Variants in PHLDB2 observed in about 807,000 individuals in gnomAD.
The protein encoded by PHLDB2 is pleckstrin homology-like domain family B member 2.
Under a neutral mutation model 123.6 loss-of-function variants are expected in PHLDB2, and 71 were observed. The ratio of observed to expected loss-of-function variants is 0.57; its 90% CI spans 0.47 to 0.70. PHLDB2 has a LOEUF of 0.70. Ranked by LOEUF, PHLDB2 falls within the 30% of genes least tolerant of loss-of-function variation. PHLDB2 has a pLI of 0.00. For missense variants in PHLDB2, 1,446 were observed against 1,519.5 expected (o/e 0.95, Z 0.80); for synonymous variants, 547 against 541.6 (o/e 1.01, Z -0.14).
At chr3:111,742,202 C>T (rs1477434778) in intron 1 of PHLDB2, among the ~76,000 whole-genome samples, 1 of 152,174 alleles carries the variant, frequency 6.6e-6, no homozygotes, top group Non-Finnish European at 1.5e-5. Flanking sequence ...AACTGGGATA[C>T]TACTATTCTT....
In PHLDB2 at chr3:111,966,695, G is replaced by A. The variant is rs370795450; in HGVS notation, c.3160G>A (p.Glu1054Lys). 229 of 1,612,034 alleles carry A rather than the reference G, an allele frequency of 1.4e-4. No individual in the cohort carries two copies. Among genetic ancestry groups the A allele is most frequent in the Non-Finnish European group, 1.8e-4 (213 of 1,179,058 alleles). The change falls in exon 14 of 18, where the codon GAA (glutamate) becomes AAA (lysine). Residue 1054 changes from glutamate (E) to lysine (K), a missense_variant. Glu to Lys is a moderately conservative substitution (Grantham distance 56). Around this residue, in one of 3 missense-constraint regions of PHLDB2, gnomAD observed 594 missense variants for 646.0 expected, o/e 0.92. Transcript: ENST00000431670. ...QAHAEKTRLL[E>K]SREREMEAKK... is the part of the protein sequence containing the mutation. ...TCATGCAGAAAAGACGCGGCTGCTC[G>A]AATCCAGGGTAAGCTTCATATTTTC...
At chr3:111,955,058 G>A (rs1002848689) in intron 12 of PHLDB2, among the ~76,000 whole-genome samples, 11 of 149,220 alleles carry the variant, frequency 7.4e-5, no homozygotes, top group South Asian at 2.1e-4. Flanking sequence ...ACACACACAC[G>A]CACATATATG....
chr3:111,973,942 G>T, intron 17 of PHLDB2, 125 bp downstream of exon 17: 1 of 553,376 alleles, frequency 1.8e-6, no homozygotes, highest in African/African-American at 1.9e-5. Context: ...TCAGAATGGT[G>T]CTGGAAAAGT....
At position 111,976,095 on chromosome 3, in the gene PHLDB2, CT is replaced by C. The variant is rs2072470790; in HGVS notation, c.*1533del. ...GTGATGTAAGACTAAAATATAATTG[CT>C]AAGATTTTGTTGGTTAATGTAAAGA... is the stretch of plus-strand genomic sequence containing the variant. On this transcript the variant is annotated 3_prime_UTR_variant, in exon 18 of 18. Coordinates refer to ENST00000431670, the MANE Select transcript of PHLDB2 (RefSeq NM_001134438.2). 6.6e-6 allele frequency: 1 copy of C among 152,590 alleles called. No homozygotes were observed. The allele number at this position is 152,590 out of a possible 1,614,324, so 9.5% of individuals were successfully genotyped here.
chr3:111,738,745 C>A (rs2059551311), intron 1 of PHLDB2, among the ~76,000 whole-genome samples: 1 of 151,940 alleles, frequency 6.6e-6, no homozygotes, highest in East Asian at 1.9e-4. Context: ...GTTGGTGATA[C>A]TAAACTAGTA....
At chr3:111,829,753 C>T (rs1008405957) in intron 1 of PHLDB2, among the ~76,000 whole-genome samples, 3 of 152,152 alleles carry the variant, frequency 2.0e-5, no homozygotes, top group Admixed American at 1.3e-4. Flanking sequence ...TGAGCCACCG[C>T]GCCCGACCAA....
At chr3:111,921,892 G>A (rs760338649) in intron 5 of PHLDB2, among the ~76,000 whole-genome samples, 3 of 152,168 alleles carry the variant, frequency 2.0e-5, no homozygotes, top group African/African-American at 4.8e-5. Flanking sequence ...GTGAGCCGCC[G>A]CGCCCGGCCC....
chr3:111,809,264 G>T lies in PHLDB2; in HGVS notation c.-48-36557G>T, dbSNP rs149064409. On this transcript the variant is annotated intron_variant, in intron 1 of 17. Coordinates refer to the PHLDB2 transcript ENST00000393923. ...TAATGTATTCACATAAACCAGATGTGCCAGAAGAAAGCTCTTGCTGTGGAA... is the reference window on the plus strand; with the variant it reads ...TAATGTATTCACATAAACCAGATGTTCCAGAAGAAAGCTCTTGCTGTGGAA... Among the ~76,000 whole-genome samples, 213 of 152,258 alleles carry T rather than the reference G, an allele frequency of 1.4e-3. 1 individual carries two copies. Among genetic ancestry groups the T allele is most frequent in the African/African-American group, 4.9e-3 (204 of 41,546 alleles).
At chr3:111,861,020 T>C (rs1304769699) in intron 1 of PHLDB2, among the ~76,000 whole-genome samples, 4 of 152,248 alleles carry the variant, frequency 2.6e-5, no homozygotes. Context: ...TCTGGGATTC[T>C]AACGTTTGAA....
At chr3:111,883,828 A>G (rs995238264) in intron 1 of PHLDB2, 11 of 451,804 alleles carry the variant, frequency 2.4e-5, no homozygotes, top group Non-Finnish European at 4.3e-5. Context: ...GTTTCGCTCA[A>G]ATGTCATTGC....
At chr3:111,805,859 A>T (rs1482449293) in intron 1 of PHLDB2, among the ~76,000 whole-genome samples, 2 of 146,366 alleles carry the variant, frequency 1.4e-5, no homozygotes, top group Non-Finnish European at 3.0e-5. Flanking sequence ...AAAAAAAAAA[A>T]AGAAGAAGAA....
rs564211993 is a variant in PHLDB2, at chr3:111,878,717, A to G, written c.-14-5347A>G. 2.6e-5 allele frequency among the ~76,000 whole-genome samples: 4 copies of G among 152,254 alleles called. No homozygotes were observed. In the East Asian group the frequency reaches 5.8e-4, roughly 22 times the overall value. On this transcript the variant is annotated intron_variant, in intron 1 of 17. Coordinates refer to ENST00000431670, the MANE Select transcript of PHLDB2 (RefSeq NM_001134438.2). ...TATAAATAGCTCTTATTATTTTGAGATACGTTCCATCAATGCCTAGTTTAT... is the reference window on the plus strand; with the variant it reads ...TATAAATAGCTCTTATTATTTTGAGGTACGTTCCATCAATGCCTAGTTTAT...
At chr3:111,870,404 G>T (rs1431735476) in intron 1 of PHLDB2, among the ~76,000 whole-genome samples, 1 of 151,838 alleles carries the variant, frequency 6.6e-6, no homozygotes, top group Non-Finnish European at 1.5e-5. Context: ...GAGTTGAGGG[G>T]ACTAAGGGTT....
At chr3:111,907,985 T>C (rs1227382693) in intron 2 of PHLDB2, among the ~76,000 whole-genome samples, 1 of 152,154 alleles carries the variant, frequency 6.6e-6, no homozygotes, top group Admixed American at 6.5e-5. Flanking sequence ...TTTGTAGAGA[T>C]GGGGTTTTGC....
In PHLDB2 at chr3:111,859,909, T is replaced by C. The variant is rs916409914; in HGVS notation, c.-15+333T>C. 3.0e-6 allele frequency: 3 copies of C among 985,352 alleles called. No individual in the cohort carries two copies. The African/African-American group carries it at 5.2e-5, about 17-fold the overall frequency. The allele number at this position is 985,352 out of a possible 1,614,324, so 61.0% of individuals were successfully genotyped here. Reference sequence around the variant, plus strand: ...TGGGCTCCGGGGACACAGAGTTTCTTTGCTTCTTTACAGGCTGTAGGGACA... The same window carrying C: ...TGGGCTCCGGGGACACAGAGTTTCTCTGCTTCTTTACAGGCTGTAGGGACA... On this transcript the variant is annotated intron_variant, in intron 1 of 17. Transcript: ENST00000431670.
Position 111,826,366 on chromosome 3 carries a change from A to G in PHLDB2, c.-48-19455A>G, listed in dbSNP as rs544747789. Among the ~76,000 whole-genome samples the G allele has an allele frequency of 4.9e-4, 74 of 152,280 alleles. 2 individuals carry two copies. The South Asian group carries it at 0.015, about 32-fold the overall frequency. ...TAAATAAGACCTTGAAAATATACCAATCAAGTAAAATTGCTTCAATAGGGT... is the reference window on the plus strand; with the variant it reads ...TAAATAAGACCTTGAAAATATACCAGTCAAGTAAAATTGCTTCAATAGGGT... On this transcript the variant is annotated intron_variant, in intron 1 of 17. Transcript: ENST00000393923.
At chr3:111,972,865 T>C (rs2072297001) in intron 16 of PHLDB2, among the ~76,000 whole-genome samples, 2 of 152,152 alleles carry the variant, frequency 1.3e-5, no homozygotes, top group Non-Finnish European at 2.9e-5. Flanking sequence ...TCTTATACAG[T>C]AAGTGGAATT....
Position 111,866,082 on chromosome 3 carries a change from C to T in PHLDB2, c.-15+6506C>T, listed in dbSNP as rs138223061. Among the ~76,000 whole-genome samples the T allele has an allele frequency of 2.5e-4, 29 of 117,898 alleles. 1 individual carries two copies. The highest frequency in any genetic ancestry group is 8.3e-3 in the Middle Eastern group (1 of 120). 77.3% of individuals were successfully genotyped at this position (117,898 alleles called of 152,430 possible). A position where few individuals can be genotyped will look rare whatever the true frequency, so the allele number is the denominator to read the frequency against. ...TCACCCAGGCTGGAGTACAGTGGTG[C>T]GATCCAGCTCACTGCAACCTCGGCC... On this transcript the variant is annotated intron_variant, in intron 1 of 17. Coordinates refer to ENST00000431670, the MANE Select transcript of PHLDB2 (RefSeq NM_001134438.2).
intron 1 of PHLDB2, among the ~76,000 whole-genome samples, chr3:111,769,752 TC>T (rs2060142269): frequency 6.6e-6 from 1 of 152,250 alleles, no homozygotes; most frequent in South Asian, 2.1e-4. Context: ...TAGAAACTTT[TC>T]CTTTGAACTC....
Sources: allele counts gnomAD v4.1 joint callset (sites outside exome capture counted in the v4.1 genomes callset), GRCh38; gene constraint gnomAD v4.1.1; regional missense constraint gnomAD v4.1.1; transcripts MANE v1.5; gene names NCBI Gene and HGNC (gene_info 2026-07-23, HGNC 2026-07-21).